Variants in CLVS1 observed in about 807,000 individuals in gnomAD.
CLVS1 encodes the protein clavesin-1.
Under a neutral mutation model 33.1 loss-of-function variants are expected in CLVS1, and 10 were observed. The observed-to-expected ratio is 0.30, with a 90% CI of 0.19 to 0.51. The LOEUF is 0.51. Ranked by LOEUF, CLVS1 falls within the 20% of genes least tolerant of loss-of-function variation. The pLI, the probability that CLVS1 is intolerant of heterozygous loss-of-function variation, is 0.97. For synonymous variants in CLVS1, 163 were observed against 166.1 expected, an observed-to-expected ratio of 0.98 and a Z score of 0.14; for missense variants, 343 against 433.4, an observed-to-expected ratio of 0.79 and a Z score of 1.85.
intron 1 of CLVS1, among the ~76,000 whole-genome samples, chr8:61,108,060 G>T (rs56703820): frequency 0.17 from 26,341 of 151,716 alleles, 3,022 homozygotes; most frequent in East Asian, 0.61. Flanking sequence ...TTGAGGCCAG[G>T]AGTTCGAGAC....
intron 1 of CLVS1, among the ~76,000 whole-genome samples, chr8:61,089,933 A>G (rs3937549): frequency 0.56 from 85,801 of 151,884 alleles, 27,150 homozygotes; most frequent in African/African-American, 0.86. Context: ...TTGTTTGTTT[A>G]TTGTTAAAAA....
At chr8:61,123,779 C>G (rs769914959) in intron 1 of CLVS1, among the ~76,000 whole-genome samples, 16 of 152,162 alleles carry the variant, frequency 1.1e-4, no homozygotes, top group Non-Finnish European at 2.2e-4. Flanking sequence ...GCTCACTCAG[C>G]CAGGCTGGCA....
At chr8:60,985,197 C>G in the CLVS1 span, among the ~76,000 whole-genome samples, 3 of 152,246 alleles carry the variant, frequency 2.0e-5, no homozygotes, top group Non-Finnish European at 4.4e-5. Context: ...GAGGAAATCT[C>G]TTTAAAAGGT....
chr8:61,424,594 G>C (rs923848002), intron 3 of CLVS1, among the ~76,000 whole-genome samples: 1 of 152,138 alleles, frequency 6.6e-6, no homozygotes, highest in Non-Finnish European at 1.5e-5. Flanking sequence ...ATCACAATTA[G>C]AGCACGTATA....
the CLVS1 span, among the ~76,000 whole-genome samples, chr8:61,016,805 T>C: frequency 6.6e-6 from 1 of 152,144 alleles, no homozygotes; most frequent in African/African-American, 2.4e-5. Flanking sequence ...AACTGACAAG[T>C]ATACCAGAAG....
At chr8:61,321,602 G>A (rs560792013) in intron 2 of CLVS1, among the ~76,000 whole-genome samples, 34 of 151,854 alleles carry the variant, frequency 2.2e-4, no homozygotes, top group African/African-American at 4.8e-4. Flanking sequence ...ATATTGCTTC[G>A]GCTGATGACT....
At chr8:60,985,882 C>A in the CLVS1 span, among the ~76,000 whole-genome samples, 1 of 151,542 alleles carries the variant, frequency 6.6e-6, no homozygotes, top group South Asian at 2.1e-4. Flanking sequence ...GCACGTTTAG[C>A]CTTTATCCGG....
chr8:61,369,312 A>AT (rs1315245976), intron 2 of CLVS1, among the ~76,000 whole-genome samples: 1 of 151,960 alleles, frequency 6.6e-6, no homozygotes, highest in Non-Finnish European at 1.5e-5. Flanking sequence ...TCAGAACACA[A>AT]TTTTTTTTCT....
the CLVS1 span, among the ~76,000 whole-genome samples, chr8:61,042,877 G>T: frequency 6.6e-6 from 1 of 152,328 alleles, no homozygotes; most frequent in East Asian, 1.9e-4. Context: ...TCAAGTCCCA[G>T]TAAGGAAGGA....
intron 2 of CLVS1, among the ~76,000 whole-genome samples, chr8:61,148,780 T>C (rs1806465714): frequency 6.6e-6 from 1 of 152,022 alleles, no homozygotes; most frequent in Non-Finnish European, 1.5e-5. Context: ...GTGTATATGA[T>C]TGAAATGACT....
At chr8:61,490,012 G>T (rs373720659) in intron 5 of CLVS1, among the ~76,000 whole-genome samples, 1 of 152,156 alleles carries the variant, frequency 6.6e-6, no homozygotes, top group African/African-American at 2.4e-5. Flanking sequence ...TCAATTTAAC[G>T]TTTAGAAATT....
intron 3 of CLVS1, among the ~76,000 whole-genome samples, chr8:61,424,828 G>T (rs1204132992): frequency 6.6e-6 from 1 of 152,186 alleles, no homozygotes; most frequent in Non-Finnish European, 1.5e-5. Context: ...GTACACAGAA[G>T]ATTATAATAA....
chr8:61,129,714 C>T (rs912389482), intron 1 of CLVS1, among the ~76,000 whole-genome samples: 5 of 152,190 alleles, frequency 3.3e-5, no homozygotes, highest in Non-Finnish European at 7.4e-5. Context: ...TTTATGAGGG[C>T]ACTAATCCCA....
intron 2 of CLVS1, among the ~76,000 whole-genome samples, chr8:61,364,498 T>C (rs1167097989): frequency 1.3e-5 from 2 of 152,222 alleles, no homozygotes; most frequent in Non-Finnish European, 2.9e-5. Context: ...TTTCTTTCAG[T>C]TACATAATAA....
chr8:61,324,094 C>A (rs1811291782), intron 2 of CLVS1, among the ~76,000 whole-genome samples: 1 of 152,132 alleles, frequency 6.6e-6, no homozygotes, highest in Non-Finnish European at 1.5e-5. Flanking sequence ...AATAGTGCTG[C>A]AATGAACATA....
At chr8:61,237,055 C>T (rs564540469) in intron 2 of CLVS1, among the ~76,000 whole-genome samples, 10 of 152,234 alleles carry the variant, frequency 6.6e-5, no homozygotes, top group South Asian at 2.1e-4. Flanking sequence ...CTTTATGTGA[C>T]GTCCCAAAGA....
intron 2 of CLVS1, among the ~76,000 whole-genome samples, chr8:61,348,706 A>C (rs1812329496): frequency 1.3e-5 from 2 of 152,082 alleles, no homozygotes; most frequent in Admixed American, 6.6e-5. Flanking sequence ...TCTCTTCGAC[A>C]TACTGATTTC....
chr8:61,187,122 G>C (rs1462885966), intron 2 of CLVS1, among the ~76,000 whole-genome samples: 2 of 117,822 alleles, frequency 1.7e-5, no homozygotes, highest in Non-Finnish European at 4.2e-5. Context: ...ATTTTCCAAG[G>C]CATTGCAATA....
chr8:61,140,321 T>C (rs992933250), intron 2 of CLVS1, among the ~76,000 whole-genome samples: 7 of 152,210 alleles, frequency 4.6e-5, no homozygotes, highest in Non-Finnish European at 4.4e-5. Flanking sequence ...CCCGCACTCA[T>C]GGTCTTGGTG....
Sources: allele counts gnomAD v4.1 joint callset (sites outside exome capture counted in the v4.1 genomes callset), GRCh38; gene constraint gnomAD v4.1.1; transcripts MANE v1.5; gene names NCBI Gene and HGNC (gene_info 2026-07-23, HGNC 2026-07-21).